Variants in RIMS2 observed in about 807,000 individuals in gnomAD.
RIMS2 encodes regulating synaptic membrane exocytosis 2.
RIMS2 carries 59 observed loss-of-function variants against 174.4 expected under a neutral mutation model. That is an observed-to-expected ratio of 0.34 (90% CI 0.27 to 0.42). The LOEUF is 0.42. RIMS2 is among the 10% of genes least tolerant of loss of function. RIMS2 has a pLI of 1.00. For synonymous variants in RIMS2, 606 were observed against 572.5 expected, an observed-to-expected ratio of 1.06 and a Z score of -0.84; for missense variants, 1,620 against 1,666.3, an observed-to-expected ratio of 0.97 and a Z score of 0.48.
chr8:103,913,339 G>A (rs2076090031), intron 6 of RIMS2, among the ~76,000 whole-genome samples: 1 of 151,994 alleles, frequency 6.6e-6, no homozygotes, highest in African/African-American at 2.4e-5. Flanking sequence ...TACTGAGGAG[G>A]CTGAGGCAGG....
At chr8:103,979,227 G>T (rs775483263) in intron 16 of RIMS2, among the ~76,000 whole-genome samples, 20 of 152,108 alleles carry the variant, frequency 1.3e-4, no homozygotes, top group Non-Finnish European at 2.8e-4. Flanking sequence ...TTACCTTAAA[G>T]GGTATTCATC....
chr8:103,777,664 A>G (rs1374254599), intron 3 of RIMS2, among the ~76,000 whole-genome samples: 1 of 152,044 alleles, frequency 6.6e-6, no homozygotes, highest in African/African-American at 2.4e-5. Flanking sequence ...TAGGGTTGAT[A>G]TAGACAGAAA....
intron 1 of RIMS2, among the ~76,000 whole-genome samples, chr8:103,618,222 A>G (rs1426723733): frequency 6.6e-6 from 1 of 152,198 alleles, no homozygotes; most frequent in Non-Finnish European, 1.5e-5. Context: ...TAACACAGGA[A>G]CAGAAAGCCA....
chr8:103,963,944 G>A (rs929280789), intron 15 of RIMS2, among the ~76,000 whole-genome samples: 10 of 152,140 alleles, frequency 6.6e-5, no homozygotes, highest in African/African-American at 2.2e-4. Flanking sequence ...ACAGTTTGTA[G>A]CCTTTCAGAT....
chr8:103,903,475 A>G (rs1461678704), intron 4 of RIMS2, among the ~76,000 whole-genome samples: 3 of 152,176 alleles, frequency 2.0e-5, no homozygotes, highest in Non-Finnish European at 2.9e-5. Flanking sequence ...TAATGACTGT[A>G]TGACAAAATG....
At chr8:103,766,995 A>T (rs545075382) in intron 3 of RIMS2, among the ~76,000 whole-genome samples, 41 of 152,186 alleles carry the variant, frequency 2.7e-4, no homozygotes, top group Non-Finnish European at 5.0e-4. Context: ...GTATATGCAG[A>T]TCCGACATCA....
In RIMS2 at chr8:104,214,499, G is replaced by A. The variant is rs1446996864; in HGVS notation, c.3335-30417G>A. Among the ~76,000 whole-genome samples the A allele has an allele frequency of 2.0e-5, 3 of 152,050 alleles. No individual in the cohort carries two copies. The East Asian group carries it at 5.8e-4, about 29-fold the overall frequency. ...GCCTCACTCTGTCACCCAGGCTGGA[G>A]AGCAGTGGCATGATCTCGGTTCACT... On this transcript the variant is annotated intron_variant, in intron 19 of 23. Transcript: ENST00000504942.
intron 1 of RIMS2, among the ~76,000 whole-genome samples, chr8:103,619,408 T>C: frequency 6.6e-6 from 1 of 152,218 alleles, no homozygotes; most frequent in Middle Eastern, 3.4e-3. Flanking sequence ...AGAAATTATG[T>C]AGATATTAAC....
intron 19 of RIMS2, among the ~76,000 whole-genome samples, chr8:104,094,275 A>T (rs1598680150): frequency 1.3e-5 from 2 of 152,066 alleles, no homozygotes; most frequent in African/African-American, 2.4e-5. Context: ...AATATGATTT[A>T]AAAACTATTA....
intron 19 of RIMS2, among the ~76,000 whole-genome samples, chr8:104,033,617 GT>G (rs894233040): frequency 1.9e-4 from 28 of 146,552 alleles, no homozygotes; most frequent in African/African-American, 5.0e-4. Context: ...AATGATTATA[GT>G]TTTTTTTTTG....
At chr8:104,049,527 A>G (rs183873553) in intron 19 of RIMS2, among the ~76,000 whole-genome samples, 1 of 152,328 alleles carries the variant, frequency 6.6e-6, no homozygotes, top group East Asian at 1.9e-4. Flanking sequence ...GTTTAGAGGC[A>G]TGTTGGTACA....
At chr8:103,782,789 TA>T (rs2098404165) in intron 3 of RIMS2, among the ~76,000 whole-genome samples, 3 of 152,192 alleles carry the variant, frequency 2.0e-5, no homozygotes, top group African/African-American at 7.2e-5. Context: ...TTTTTTCTTT[TA>T]AAACTCTGTT....
At chr8:104,013,580 A>T in exon 18 of RIMS2, 1 of 1,613,756 alleles carries the variant, frequency 6.2e-7, no homozygotes, top group South Asian at 1.1e-5. Context: ...TGCCTTCATT[A>T]ATGACTGGAA....
intron 19 of RIMS2, among the ~76,000 whole-genome samples, chr8:104,176,225 C>T (rs556413426): frequency 6.6e-6 from 1 of 152,264 alleles, no homozygotes; most frequent in South Asian, 2.1e-4. Context: ...ACTGATACAG[C>T]TTTGCCTGTA....
rs190673108 is a variant in RIMS2 at position 103,837,522 on chromosome 8, C to G, written c.699-47776C>G. On this transcript the variant is annotated intron_variant, in intron 3 of 23. Transcript: ENST00000504942. ...ATATCTCCTAATGCTATCCCTCCCC[C>G]CTCAACAGACCCCAGTGTGTGATGT... Among the ~76,000 whole-genome samples the G allele has an allele frequency of 4.6e-5, 7 of 152,314 alleles. No homozygotes were observed. The South Asian group carries it at 1.0e-3, about 23-fold the overall frequency.
At chr8:104,145,370 TA>T (rs1257192339) in intron 19 of RIMS2, among the ~76,000 whole-genome samples, 1 of 152,092 alleles carries the variant, frequency 6.6e-6, no homozygotes, top group Non-Finnish European at 1.5e-5. Flanking sequence ...ATTTCTCTTT[TA>T]AAAAAATTAC....
chr8:104,138,680 GAC>G (rs1298765021), intron 19 of RIMS2, among the ~76,000 whole-genome samples: 1 of 152,092 alleles, frequency 6.6e-6, no homozygotes, highest in Non-Finnish European at 1.5e-5. Context: ...TCCCTTGTCA[GAC>G]GGGTAGTTTG....
rs199997824 is a variant in RIMS2, at chr8:103,876,864, T to TTATATATATATATA, written c.699-8401_699-8388dup. Among the ~76,000 whole-genome samples, 212 of 67,852 alleles carry TTATATATATATATA rather than the reference T, an allele frequency of 3.1e-3. 1 individual carries two copies. Among genetic ancestry groups the TTATATATATATATA allele is most frequent in the South Asian group, 5.3e-3 (8 of 1,508 alleles). 44.5% of individuals were successfully genotyped at this position (67,852 alleles called of 152,430 possible). On this transcript the variant is annotated intron_variant, in intron 3 of 23. Transcript: ENST00000504942. ...TGTATATATACACACACACACTATT[T>TTATATATATATATA]TATATATATATATATATATATATAT...
At chr8:103,780,132 A>T (rs905552730) in intron 3 of RIMS2, among the ~76,000 whole-genome samples, 2 of 152,082 alleles carry the variant, frequency 1.3e-5, no homozygotes, top group African/African-American at 4.8e-5. Context: ...GGAGTCCTTT[A>T]TATGTTACTT....
Sources: gnomAD v4.1 joint callset for allele counts (sites outside exome capture counted in the v4.1 genomes callset) on GRCh38, gnomAD v4.1.1 for gene constraint, MANE v1.5 for transcripts, NCBI Gene and HGNC (gene_info 2026-07-23, HGNC 2026-07-21) for gene names.